LYPLAL1: variants seen among roughly 807,000 people sequenced by gnomAD.
The protein encoded by LYPLAL1 is lysophospholipase like 1.
Under a neutral mutation model 19.7 loss-of-function variants are expected in LYPLAL1, and 23 were observed. The observed-to-expected ratio is 1.17, with a 90% CI of 0.84 to 1.65. The LOEUF is 1.65. LYPLAL1 is among the 40% of genes most tolerant of loss of function. The pLI is 0.00. For missense variants in LYPLAL1, 355 were observed against 279.4 expected, an observed-to-expected ratio of 1.27 and a Z score of -1.93; for synonymous variants, 119 against 96.3, an observed-to-expected ratio of 1.24 and a Z score of -1.38.
chr1:219,372,730 C>A, the LYPLAL1 span, among the ~76,000 whole-genome samples: 1 of 151,812 alleles, frequency 6.6e-6, no homozygotes, highest in Non-Finnish European at 1.5e-5. Flanking sequence ...TGAAACCCTG[C>A]CTCTACAAAA....
chr1:219,174,180 T>G, intron 1 of LYPLAL1, 199 bp downstream of exon 1: 1 of 1,422,066 alleles, frequency 7.0e-7, no homozygotes, highest in Non-Finnish European at 9.2e-7. Context: ...CCTCTTTCTA[T>G]CGGGCGGTCA....
chr1:219,231,038 T>G, the LYPLAL1 span, among the ~76,000 whole-genome samples: 11 of 152,216 alleles, frequency 7.2e-5, no homozygotes, highest in African/African-American at 2.4e-4. Flanking sequence ...AAATAGCTAA[T>G]AAAAACCATT....
At chr1:219,371,551 T>C in the LYPLAL1 span, among the ~76,000 whole-genome samples, 3 of 152,182 alleles carry the variant, frequency 2.0e-5, no homozygotes, top group African/African-American at 7.2e-5. Flanking sequence ...TCCCTACATA[T>C]CTTAAGTTTG....
At chr1:219,257,530 C>T in the LYPLAL1 span, among the ~76,000 whole-genome samples, 4 of 151,716 alleles carry the variant, frequency 2.6e-5, no homozygotes, top group South Asian at 2.1e-4. Context: ...CATCACATAT[C>T]GGTAGGTCTG....
the LYPLAL1 span, among the ~76,000 whole-genome samples, chr1:219,444,442 C>T: frequency 1.3e-5 from 2 of 152,196 alleles, no homozygotes; most frequent in Admixed American, 6.5e-5. Context: ...CCTCCCTTGT[C>T]TCACAATCAT....
chr1:219,407,282 C>T, the LYPLAL1 span, among the ~76,000 whole-genome samples: 1 of 152,160 alleles, frequency 6.6e-6, no homozygotes, highest in African/African-American at 2.4e-5. Context: ...GATTTGGACA[C>T]ATTTCTCTCC....
chr1:219,226,150 ATCTATCCCTT>A, the LYPLAL1 span, among the ~76,000 whole-genome samples: 1 of 152,152 alleles, frequency 6.6e-6, no homozygotes, highest in African/African-American at 2.4e-5. Context: ...GCTAAGGGCT[ATCTATCCCTT>A]TATCTTTTCT....
intron 2 of LYPLAL1, among the ~76,000 whole-genome samples, chr1:219,192,211 T>C (rs1488277336): frequency 1.3e-5 from 2 of 151,746 alleles, no homozygotes; most frequent in East Asian, 3.9e-4. Flanking sequence ...CAAAAGCATG[T>C]TCAGGTCTCA....
the LYPLAL1 span, among the ~76,000 whole-genome samples, chr1:219,399,684 C>T: frequency 2.6e-5 from 4 of 152,092 alleles, no homozygotes; most frequent in Non-Finnish European, 5.9e-5. Context: ...TGTGGGCCCC[C>T]AGGCACCCGA....
the LYPLAL1 span, among the ~76,000 whole-genome samples, chr1:219,433,847 G>T: frequency 3.7e-4 from 57 of 152,304 alleles, no homozygotes; most frequent in African/African-American, 1.3e-3. Context: ...ATCTGGAATT[G>T]AACTCTAATT....
At chr1:219,326,618 A>G in the LYPLAL1 span, among the ~76,000 whole-genome samples, 1 of 152,198 alleles carries the variant, frequency 6.6e-6, no homozygotes, top group African/African-American at 2.4e-5. Context: ...TTCAAATTAG[A>G]TTAAGTAGCC....
At chr1:219,414,762 C>T in the LYPLAL1 span, among the ~76,000 whole-genome samples, 2 of 152,188 alleles carry the variant, frequency 1.3e-5, no homozygotes, top group Non-Finnish European at 2.9e-5. Flanking sequence ...ATTCAAAAGT[C>T]ACTACAGTCC....
At chr1:219,305,268 T>A in the LYPLAL1 span, among the ~76,000 whole-genome samples, 2 of 152,078 alleles carry the variant, frequency 1.3e-5, no homozygotes, top group African/African-American at 2.4e-5. Context: ...GTAACATGGG[T>A]AGTTAACCCA....
the LYPLAL1 span, among the ~76,000 whole-genome samples, chr1:219,282,513 A>T: frequency 2.6e-5 from 4 of 151,634 alleles, no homozygotes; most frequent in East Asian, 7.7e-4. Context: ...AATGACAAAA[A>T]AAAAAAAAAA....
the LYPLAL1 span, among the ~76,000 whole-genome samples, chr1:219,315,918 T>C: frequency 6.6e-6 from 1 of 152,166 alleles, no homozygotes; most frequent in East Asian, 1.9e-4. Flanking sequence ...ACAATGTGGA[T>C]AGCTAAATAT....
chr1:219,364,851 T>C, the LYPLAL1 span, among the ~76,000 whole-genome samples: 370 of 152,284 alleles, frequency 2.4e-3, 3 homozygotes, highest in African/African-American at 7.6e-3. Context: ...AAAAGTCAAG[T>C]TACTTGCCTA....
At chr1:219,175,592 CAG>C (rs1047652093) in intron 1 of LYPLAL1, among the ~76,000 whole-genome samples, 2 of 152,092 alleles carry the variant, frequency 1.3e-5, no homozygotes, top group Non-Finnish European at 2.9e-5. Context: ...CTCTAAAATT[CAG>C]AGTCATGTAT....
chr1:219,416,982 A>G, the LYPLAL1 span, among the ~76,000 whole-genome samples: 2 of 152,240 alleles, frequency 1.3e-5, no homozygotes, highest in African/African-American at 4.8e-5. Context: ...TCAGCTCATT[A>G]TACTAAAAGC....
chr1:219,313,400 A>G, the LYPLAL1 span, among the ~76,000 whole-genome samples: 1 of 152,208 alleles, frequency 6.6e-6, no homozygotes, highest in Non-Finnish European at 1.5e-5. Flanking sequence ...TTGCACTCAC[A>G]AGACAGCTGC....
Sources: gnomAD v4.1 joint callset for allele counts (sites outside exome capture counted in the v4.1 genomes callset) on GRCh38, gnomAD v4.1.1 for gene constraint, MANE v1.5 for transcripts, NCBI Gene and HGNC (gene_info 2026-07-23, HGNC 2026-07-21) for gene names.